Variants in SLC25A12 observed in about 807,000 individuals in gnomAD.
SLC25A12 encodes the protein solute carrier family 25 member 12.
In SLC25A12, 32 loss-of-function variants were observed where a neutral mutation model predicts 83.3. That is an observed-to-expected ratio of 0.38 (90% CI 0.29 to 0.52). The LOEUF is 0.52. Ranked by LOEUF, SLC25A12 falls within the 20% of genes least tolerant of loss-of-function variation. SLC25A12 has a pLI of 0.84. For missense variants in SLC25A12, 611 were observed against 835.6 expected, an observed-to-expected ratio of 0.73 and a Z score of 3.31; for synonymous variants, 267 against 291.1, an observed-to-expected ratio of 0.92 and a Z score of 0.84.
chr2:171,820,039 AAAG>A (rs1195481043), intron 9 of SLC25A12, among the ~76,000 whole-genome samples: 2 of 152,146 alleles, frequency 1.3e-5, no homozygotes, highest in African/African-American at 4.8e-5. Context: ...TTATGAACAC[AAAG>A]AAGGAAACAA....
At chr2:171,801,578 G>A (rs1683708813) in intron 13 of SLC25A12, among the ~76,000 whole-genome samples, 1 of 152,058 alleles carries the variant, frequency 6.6e-6, no homozygotes, top group South Asian at 2.1e-4. Context: ...ACAACTTATG[G>A]TTTTTTGACT....
chr2:171,888,681 G>A (rs1307328234), intron 2 of SLC25A12, among the ~76,000 whole-genome samples: 3 of 152,042 alleles, frequency 2.0e-5, no homozygotes, highest in Non-Finnish European at 4.4e-5. Context: ...GACCTCAAGT[G>A]ATCCACCCGC....
At chr2:171,874,581 GGT>G (rs1240700621) in intron 2 of SLC25A12, among the ~76,000 whole-genome samples, 61 of 152,170 alleles carry the variant, frequency 4.0e-4, no homozygotes, top group Non-Finnish European at 7.4e-5. Flanking sequence ...TTGCCACAGA[GGT>G]GTCTATTCTC....
chr2:171,799,827 A>G (rs2105846477), intron 13 of SLC25A12, among the ~76,000 whole-genome samples: 1 of 152,362 alleles, frequency 6.6e-6, no homozygotes, highest in East Asian at 1.9e-4. Context: ...GTGTTCGCAT[A>G]GGGTTGTGAA....
chr2:171,850,818 C>T (rs1684912576), intron 4 of SLC25A12, among the ~76,000 whole-genome samples: 1 of 152,212 alleles, frequency 6.6e-6, no homozygotes, highest in South Asian at 2.1e-4. Context: ...AGAAAGGGTA[C>T]ATTTTTCATA....
At chr2:171,795,300 A>G (rs1280822003) in intron 13 of SLC25A12, among the ~76,000 whole-genome samples, 1 of 152,142 alleles carries the variant, frequency 6.6e-6, no homozygotes, top group Non-Finnish European at 1.5e-5. Context: ...CCAATTTTAC[A>G]TGTTGATTTG....
rs975632095 is a variant in SLC25A12, at chr2:171,810,263, T to C, written c.1185A>G (p.Gln395=). 14 of 1,613,510 alleles carry C rather than the reference T, an allele frequency of 8.7e-6. No individual in the cohort carries two copies. The highest frequency in any genetic ancestry group is 1.2e-5 in the Non-Finnish European group (14 of 1,179,518). Residue 395 remains glutamine, a synonymous_variant, in exon 12 of 18, where the codon CAA becomes CAG. Transcript: ENST00000422440. ...FFGLYRGLIP[Q]LIGVAPEKAI... The stretch of plus-strand genomic sequence containing the variant: ...CCTTTTCTGGAGCAACCCCTATAAG[T>C]TGTGGTATCAGACCTAGGTAAAGGG...
chr2:171,835,967 G>A (rs1017415827), intron 6 of SLC25A12, among the ~76,000 whole-genome samples: 1 of 152,148 alleles, frequency 6.6e-6, no homozygotes, highest in Non-Finnish European at 1.5e-5. Context: ...GGCTATTATA[G>A]TAGGTCTATC....
At chr2:171,839,014 T>C (rs1684616768) in intron 5 of SLC25A12, among the ~76,000 whole-genome samples, 1 of 152,164 alleles carries the variant, frequency 6.6e-6, no homozygotes, top group South Asian at 2.1e-4. Flanking sequence ...AAGTTACATA[T>C]ATGCGGCTCT....
chr2:171,844,521 A>G lies in SLC25A12; in HGVS notation c.326-13T>C. ...TCTTTGACATTTTCTTAAAAGGGAA[A>G]ACAAAAATAAATCAATTATATCTGG... On this transcript the variant is annotated splice_polypyrimidine_tract_variant and intron_variant, in intron 4 of 17. Transcript: ENST00000422440. The G allele has an allele frequency of 6.6e-7, 1 of 1,510,558 alleles. No individual in the cohort carries two copies. Among genetic ancestry groups the G allele is most frequent in the Non-Finnish European group, 9.2e-7 (1 of 1,086,224 alleles). 93.6% of individuals were successfully genotyped at this position (1,510,558 alleles called of 1,614,324 possible).
Position 171,793,578 on chromosome 2 carries a change from C to A in SLC25A12, c.1446+49G>T, listed in dbSNP as rs772394554. On this transcript the variant is annotated intron_variant, in intron 14 of 17. Coordinates refer to ENST00000422440, the MANE Select transcript of SLC25A12 (RefSeq NM_003705.5). ...ACTTGGAGGGAAGAAGTCTGGTTTC[C>A]ACATTCTTTCATATTTTATTGAGTA... 25 of 1,584,610 alleles carry A rather than the reference C, an allele frequency of 1.6e-5. No individual in the cohort carries two copies. In the Admixed American group the frequency reaches 4.2e-4, roughly 26 times the overall value.
At chr2:171,837,341 G>A (rs1684581149) in intron 5 of SLC25A12, 74 bp from the exon 6 acceptor site, 1 of 1,487,106 alleles carries the variant, frequency 6.7e-7, no homozygotes, top group South Asian at 1.1e-5. Context: ...AAGGAAGGAA[G>A]GACAGATATC....
At chr2:171,862,615 G>A (rs1374250354) in intron 3 of SLC25A12, among the ~76,000 whole-genome samples, 1 of 152,146 alleles carries the variant, frequency 6.6e-6, no homozygotes, top group Non-Finnish European at 1.5e-5. Context: ...AAAAGAGCGT[G>A]TTTCAACCAC....
At chr2:171,849,253 CAACA>C (rs1558930273) in intron 4 of SLC25A12, among the ~76,000 whole-genome samples, 1 of 151,300 alleles carries the variant, frequency 6.6e-6, no homozygotes, top group Non-Finnish European at 1.5e-5. Context: ...CTAGACACTT[CAACA>C]GTCTATCATC....
In SLC25A12 at chr2:171,868,538, T is replaced by G. The variant is rs1401574882; in HGVS notation, c.209+143A>C. 9.4e-6 allele frequency: 7 copies of G among 740,862 alleles called. No homozygotes were observed. The Admixed American group carries it at 1.4e-4, about 15-fold the overall frequency. The allele number at this position is 740,862 out of a possible 1,614,324, so 45.9% of individuals were successfully genotyped here. A position where few individuals can be genotyped will look rare whatever the true frequency, so the allele number is the denominator to read the frequency against. On this transcript the variant is annotated intron_variant, in intron 3 of 17. Transcript: ENST00000422440. The stretch of plus-strand genomic sequence containing the variant: ...CATGTTGGTCAGGCTGGTCTCAAAC[T>G]CCCGACCTCAGGTGATCCGCCCGCC...
At chr2:171,865,962 T>C (rs1685284281) in intron 3 of SLC25A12, among the ~76,000 whole-genome samples, 2 of 147,672 alleles carry the variant, frequency 1.4e-5, no homozygotes, top group Non-Finnish European at 1.5e-5. Flanking sequence ...CAAAGGTCTC[T>C]GGTTTTCCTA....
In SLC25A12 at chr2:171,783,809, C is replaced by T. The variant is rs1342646809; in HGVS notation, c.*1465G>A. Among the ~76,000 whole-genome samples, 1 of 152,286 alleles carries T rather than the reference C, an allele frequency of 6.6e-6. No homozygotes were observed. The highest frequency in any genetic ancestry group is 1.9e-4 in the East Asian group (1 of 5,188). On this transcript the variant is annotated 3_prime_UTR_variant, in exon 18 of 18. Coordinates refer to ENST00000422440, the MANE Select transcript of SLC25A12 (RefSeq NM_003705.5). ...ATTTGAAAATAACTTGCTTTCAAAG[C>T]TAATTCTTTTGTTCCTGGAGGGCCT...
chr2:171,819,603 T>C (rs1684142450), intron 9 of SLC25A12, among the ~76,000 whole-genome samples: 2 of 150,466 alleles, frequency 1.3e-5, no homozygotes, highest in South Asian at 4.2e-4. Context: ...TAAATTTAAA[T>C]GAGTTAAATG....
At chr2:171,874,585 T>C (rs1685525581) in intron 2 of SLC25A12, among the ~76,000 whole-genome samples, 1 of 152,180 alleles carries the variant, frequency 6.6e-6, no homozygotes, top group South Asian at 2.1e-4. Context: ...CACAGAGGTG[T>C]CTATTCTCTA....
Sources: gnomAD v4.1 joint callset for allele counts (sites outside exome capture counted in the v4.1 genomes callset) on GRCh38, gnomAD v4.1.1 for gene constraint, MANE v1.5 for transcripts, NCBI Gene and HGNC (gene_info 2026-07-23, HGNC 2026-07-21) for gene names.